Variants in FGD3 observed in about 807,000 individuals in gnomAD.
FGD3 encodes FYVE, RhoGEF and PH domain-containing protein 3.
A neutral mutation model predicts 71.8 loss-of-function variants in FGD3; 45 were observed. The ratio of observed to expected loss-of-function variants is 0.63; its 90% CI spans 0.49 to 0.80. The LOEUF is 0.80. Ranked by LOEUF, FGD3 falls within the 30% of genes least tolerant of loss-of-function variation. FGD3 has a pLI of 0.00. For missense variants in FGD3, 844 were observed against 951.5 expected (o/e 0.89, Z 1.49); for synonymous variants, 378 against 392.8 (o/e 0.96, Z 0.44).
At chr9:92,998,607 T>A (rs1402934218) in intron 3 of FGD3, among the ~76,000 whole-genome samples, 1 of 152,168 alleles carries the variant, frequency 6.6e-6, no homozygotes, top group Non-Finnish European at 1.5e-5. Flanking sequence ...ATCTTTGTGG[T>A]TTTATCTACC....
rs574461317 is a variant in FGD3 at position 92,976,256 on chromosome 9, G to A, written c.-1G>A. On this transcript the variant is annotated 5_prime_UTR_variant, in exon 3 of 18. Coordinates refer to ENST00000375482, the MANE Select transcript of FGD3 (RefSeq NM_001083536.2). ...TGAGCCCAGTGAGCTCAGCTTTAAG[G>A]ATGGAGTCAGGCAGGGGGTCCTCAA... The A allele has an allele frequency of 2.5e-6, 4 of 1,575,014 alleles. No homozygotes were observed. Among genetic ancestry groups the A allele is most frequent in the African/African-American group, 1.3e-5 (1 of 74,138 alleles).
intron 14 of FGD3, among the ~76,000 whole-genome samples, chr9:93,027,450 T>C (rs1862155723): frequency 6.6e-6 from 1 of 152,186 alleles, no homozygotes; most frequent in African/African-American, 2.4e-5. Context: ...CCTCTGTGTC[T>C]CTGTGTCCTC....
Position 93,022,316 on chromosome 9 carries a change from G to T in FGD3, c.1495-11G>T. 1 of 1,610,066 alleles carries T rather than the reference G, an allele frequency of 6.2e-7. No homozygotes were observed. The highest frequency in any genetic ancestry group is 8.5e-7 in the Non-Finnish European group (1 of 1,177,868). ...GAATCTCCTCTCACTCGGCCTCTGT[G>T]TCCCTTCTAGATCACGAGCACCAGC... On this transcript the variant is annotated splice_polypyrimidine_tract_variant and intron_variant, in intron 13 of 17. Transcript: ENST00000375482.
rs1049464969 is a variant in FGD3 at position 92,975,392 on chromosome 9, G to T, written c.-63G>T. ...GACCCTCAGCATCCTCCTCAGAAAG[G>T]CTGGTGGCATCAGGTATGGGGATAA... On this transcript the variant is annotated 5_prime_UTR_variant, in exon 2 of 18. Coordinates refer to ENST00000375482, the MANE Select transcript of FGD3 (RefSeq NM_001083536.2). 1 of 152,322 alleles carries T rather than the reference G, an allele frequency of 6.6e-6. No homozygotes were observed. Among genetic ancestry groups the T allele is most frequent in the Non-Finnish European group, 1.5e-5 (1 of 68,184 alleles). The allele number at this position is 152,322 out of a possible 1,614,324, so 9.4% of individuals were successfully genotyped here.
At chr9:92,968,432 T>C (rs1368316187) in intron 1 of FGD3, among the ~76,000 whole-genome samples, 1 of 151,976 alleles carries the variant, frequency 6.6e-6, no homozygotes, top group Non-Finnish European at 1.5e-5. Flanking sequence ...TTCAGGAGCA[T>C]GTAGCACCTC....
Position 93,013,485 on chromosome 9 carries a change from C to T in FGD3, c.1036-367C>T, listed in dbSNP as rs550429931. On this transcript the variant is annotated intron_variant, in intron 8 of 17. Coordinates refer to ENST00000375482, the MANE Select transcript of FGD3 (RefSeq NM_001083536.2). ...AGGGGAAGGTGACATATGGATTGTC[C>T]GAGTCTGGGTCTCAGATACTCAACT... Among the ~76,000 whole-genome samples, 16 of 152,302 alleles carry T rather than the reference C, an allele frequency of 1.1e-4. No individual in the cohort carries two copies. The South Asian group carries it at 2.7e-3, about 26-fold the overall frequency.
chr9:92,985,128 T>C (rs1217199380), intron 3 of FGD3, among the ~76,000 whole-genome samples: 1 of 152,236 alleles, frequency 6.6e-6, no homozygotes, highest in Non-Finnish European at 1.5e-5. Flanking sequence ...GGGGAAACCA[T>C]GTGAGGTTTC....
intron 1 of FGD3, among the ~76,000 whole-genome samples, chr9:92,948,787 G>T (rs892469493): frequency 1.2e-4 from 18 of 152,208 alleles, no homozygotes; most frequent in Admixed American, 9.8e-4. Context: ...TTCTTCCCAG[G>T]CCCTTGTGTT....
At chr9:92,963,927 C>T (rs1036921025) in intron 1 of FGD3, 2 of 152,388 alleles carry the variant, frequency 1.3e-5, no homozygotes, top group Non-Finnish European at 2.9e-5. Context: ...TCTGGGCTCA[C>T]TCTGGGCTTG....
At chr9:93,029,726 C>T (rs1237142383) in intron 14 of FGD3, 148 bp from the exon 15 acceptor site, 1 of 1,033,910 alleles carries the variant, frequency 9.7e-7, no homozygotes. Context: ...GCTGACTTGG[C>T]TCTTCACTTC....
intron 6 of FGD3, among the ~76,000 whole-genome samples, chr9:93,007,976 C>T (rs757389100): frequency 1.3e-5 from 2 of 152,182 alleles, no homozygotes; most frequent in Non-Finnish European, 2.9e-5. Flanking sequence ...AACAGGATCG[C>T]ATGACAGTCA....
At chr9:92,957,677 C>CTTTTTT (rs60726578) in intron 1 of FGD3, among the ~76,000 whole-genome samples, 93 of 102,216 alleles carry the variant, frequency 9.1e-4, no homozygotes, top group African/African-American at 1.4e-3. Flanking sequence ...ATTTTCTTTT[C>CTTTTTT]TTTTTTTTTT....
chr9:93,007,828 T>C (rs985100641), intron 6 of FGD3, among the ~76,000 whole-genome samples: 3 of 152,094 alleles, frequency 2.0e-5, no homozygotes, highest in African/African-American at 7.2e-5. Context: ...TCTTCACACA[T>C]TGGGTGCACC....
rs577488826 is a variant in FGD3 at position 92,996,094 on chromosome 9, A to T, written c.454-6831A>T. ...TACCTCTGGTAGAATTCGGCTGTGA[A>T]TCCTTCTGGTCCTGGACTTTTTTTG... On this transcript the variant is annotated intron_variant, in intron 3 of 17. Transcript: ENST00000375482. 3.3e-5 allele frequency among the ~76,000 whole-genome samples: 5 copies of T among 152,242 alleles called. No homozygotes were observed. The South Asian group carries it at 1.0e-3, about 32-fold the overall frequency.
chr9:92,978,356 A>G (rs950667417), intron 3 of FGD3, among the ~76,000 whole-genome samples: 1 of 152,032 alleles, frequency 6.6e-6, no homozygotes, highest in Non-Finnish European at 1.5e-5. Context: ...AACAAGCAAT[A>G]AGCAATATTA....
At chr9:92,999,378 TC>T (rs1860771375) in intron 3 of FGD3, among the ~76,000 whole-genome samples, 1 of 152,162 alleles carries the variant, frequency 6.6e-6, no homozygotes, top group Admixed American at 6.5e-5. Context: ...TGTCACGGCT[TC>T]CCTTTGCTAG....
At chr9:92,993,387 A>G (rs1245283735) in intron 3 of FGD3, among the ~76,000 whole-genome samples, 1 of 152,094 alleles carries the variant, frequency 6.6e-6, no homozygotes, top group Non-Finnish European at 1.5e-5. Context: ...GTGTGTCCTT[A>G]TATCTAAAGT....
chr9:93,009,220 G>A (rs564966840), intron 6 of FGD3, among the ~76,000 whole-genome samples: 11 of 151,556 alleles, frequency 7.3e-5, no homozygotes, highest in African/African-American at 1.5e-4. Context: ...CCGAGATCGC[G>A]CCATTGCACT....
Position 92,999,750 on chromosome 9 carries a change from C to T in FGD3, c.454-3175C>T, listed in dbSNP as rs542740495. On this transcript the variant is annotated intron_variant, in intron 3 of 17. Coordinates refer to ENST00000375482, the MANE Select transcript of FGD3 (RefSeq NM_001083536.2). ...CTGGGATTACAGGTGCCTACTATCA[C>T]GCCCAGCTAATTTTTGTATTTTTAG... Among the ~76,000 whole-genome samples the T allele has an allele frequency of 1.4e-3, 213 of 152,082 alleles. 1 individual carries two copies. The highest frequency in any genetic ancestry group is 2.2e-3 in the Non-Finnish European group (147 of 67,990).
Sources: allele counts gnomAD v4.1 joint callset (sites outside exome capture counted in the v4.1 genomes callset), GRCh38; gene constraint gnomAD v4.1.1; transcripts MANE v1.5; gene names NCBI Gene and HGNC (gene_info 2026-07-23, HGNC 2026-07-21).